USH2A: variants seen among roughly 807,000 people sequenced by gnomAD.
The protein encoded by USH2A is Usher syndrome 2A (autosomal recessive, mild).
A neutral mutation model predicts 538.9 loss-of-function variants in USH2A; 443 were observed. That is an observed-to-expected ratio of 0.82 (90% CI 0.76 to 0.89). The LOEUF (loss-of-function observed/expected upper bound fraction) is 0.89. Among genes scored for constraint, USH2A ranks in the 40% least tolerant of loss-of-function variants. USH2A has a pLI of 0.00. For synonymous variants in USH2A, 2,413 were observed against 2,273.5 expected, an observed-to-expected ratio of 1.06 and a Z score of -1.75; for missense variants, 6,633 against 6,324.8, an observed-to-expected ratio of 1.05 and a Z score of -1.65.
intron 11 of USH2A, among the ~76,000 whole-genome samples, chr1:216,287,461 T>C (rs1181842229): frequency 1.3e-5 from 2 of 152,174 alleles, no homozygotes; most frequent in African/African-American, 2.4e-5. Flanking sequence ...TAAGAGCAGA[T>C]TAAGTACATT....
intron 61 of USH2A, among the ~76,000 whole-genome samples, chr1:215,697,129 T>G (rs1658840587): frequency 6.6e-6 from 1 of 151,380 alleles, no homozygotes; most frequent in Non-Finnish European, 1.5e-5. Flanking sequence ...ATTTTTTTTT[T>G]TGTATTTTTT....
At chr1:215,997,397 G>C (rs143160929) in intron 34 of USH2A, among the ~76,000 whole-genome samples, 452 of 152,062 alleles carry the variant, frequency 3.0e-3, no homozygotes, top group Middle Eastern at 0.014. Flanking sequence ...GAATTTTATG[G>C]CTCAGAGACA....
At chr1:216,353,078 A>G (rs1321531271) in intron 4 of USH2A, among the ~76,000 whole-genome samples, 1 of 152,074 alleles carries the variant, frequency 6.6e-6, no homozygotes, top group African/African-American at 2.4e-5. Flanking sequence ...AGAAGTGAAG[A>G]AAAAACGGCA....
intron 37 of USH2A, among the ~76,000 whole-genome samples, chr1:215,940,817 T>C (rs1227714418): frequency 1.3e-5 from 2 of 152,128 alleles, no homozygotes; most frequent in East Asian, 3.9e-4. Context: ...TTTAAATTGG[T>C]CATTCCTCTA....
chr1:216,362,416 G>GA (rs1420029215), intron 4 of USH2A, among the ~76,000 whole-genome samples: 3 of 151,528 alleles, frequency 2.0e-5, no homozygotes, highest in Non-Finnish European at 4.4e-5. Flanking sequence ...TGTCAAGGGT[G>GA]AAAAAAAAGT....
intron 58 of USH2A, 51 bp from the exon 59 acceptor site, chr1:215,743,386 ATGTGTGTGTGTGTG>A (rs61304768): frequency 2.7e-5 from 9 of 328,544 alleles, no homozygotes; most frequent in Non-Finnish European, 4.6e-5. Flanking sequence ...ATATATATAT[ATGTGTGTGTGTGTG>A]TGTGTGTGTG....
intron 38 of USH2A, among the ~76,000 whole-genome samples, chr1:215,911,885 T>C (rs1665793742): frequency 6.6e-6 from 1 of 152,020 alleles, no homozygotes; most frequent in African/African-American, 2.4e-5. Context: ...TTATTGCCTG[T>C]TTTTTGGACA....
At position 215,912,941 on chromosome 1, in the gene USH2A, A is replaced by T. The variant is rs1379870890; in HGVS notation, c.7301-12036T>A. On this transcript the variant is annotated intron_variant, in intron 38 of 71. Coordinates refer to ENST00000307340, the MANE Select transcript of USH2A (RefSeq NM_206933.4). ...TTGCAGCCATACCATGAATTAGATGATGTGAGTATTGCATTCCTCCTACAG... is the reference window on the plus strand; with the variant it reads ...TTGCAGCCATACCATGAATTAGATGTTGTGAGTATTGCATTCCTCCTACAG... 2.6e-5 allele frequency among the ~76,000 whole-genome samples: 4 copies of T among 152,246 alleles called. No homozygotes were observed. The East Asian group carries it at 5.8e-4, about 22-fold the overall frequency.
intron 43 of USH2A, among the ~76,000 whole-genome samples, chr1:215,875,364 C>T (rs1465075391): frequency 2.6e-5 from 4 of 151,870 alleles, no homozygotes; most frequent in African/African-American, 7.3e-5. Flanking sequence ...CAAGTACTAC[C>T]GGAAAAAAAT....
rs759067576 is a variant in USH2A, at chr1:215,771,579, C to CAAAA, written c.10940-4795_10940-4792dup. 4.2e-3 allele frequency among the ~76,000 whole-genome samples: 186 copies of CAAAA among 43,996 alleles called. 41 individuals are homozygous for CAAAA. The highest frequency in any genetic ancestry group is 6.7e-3 in the East Asian group (6 of 894). The allele number at this position is 43,996 out of a possible 152,430, so 28.9% of individuals were successfully genotyped here. Reference sequence around the variant, plus strand: ...TGGGCGACAGAGCGAGACTCCGTCTCAAAAAAAAAAAAAAAAAAAAAAAAA... The same window carrying CAAAA: ...TGGGCGACAGAGCGAGACTCCGTCTCAAAAAAAAAAAAAAAAAAAAAAAAAAAAA... On this transcript the variant is annotated intron_variant, in intron 55 of 71. Coordinates refer to ENST00000307340, the MANE Select transcript of USH2A (RefSeq NM_206933.4).
rs533071863 is a variant in USH2A, at chr1:216,093,530, T to A, written c.4758+3553A>T. On this transcript the variant is annotated intron_variant, in intron 22 of 71. Coordinates refer to ENST00000307340, the MANE Select transcript of USH2A (RefSeq NM_206933.4). ...TATGAAAACAACTAGACCTGCCAGA[T>A]GAGTTTCCTGGCAGCCATTCTCCGT... Among the ~76,000 whole-genome samples the A allele has an allele frequency of 2.1e-3, 324 of 152,298 alleles. 4 individuals are homozygous for A. Among genetic ancestry groups the A allele is most frequent in the African/African-American group, 7.3e-3 (303 of 41,586 alleles).
At chr1:215,836,506 T>TATATATTA (rs1553267742) in intron 47 of USH2A, among the ~76,000 whole-genome samples, 3 of 18,318 alleles carry the variant, frequency 1.6e-4, no homozygotes, top group Non-Finnish European at 2.9e-4. Flanking sequence ...ATAATATATA[T>TATATATTA]TATATATATA....
chr1:216,070,014 C>T, intron 30 of USH2A, 87 bp downstream of exon 30: 2 of 1,471,576 alleles, frequency 1.4e-6, no homozygotes, highest in Non-Finnish European at 1.9e-6. Flanking sequence ...ATACATTTTT[C>T]TAAAAAACAT....
At chr1:216,195,315 T>C (rs1413282944) in intron 19 of USH2A, among the ~76,000 whole-genome samples, 4 of 152,130 alleles carry the variant, frequency 2.6e-5, no homozygotes, top group East Asian at 3.9e-4. Context: ...ATTCTTATAC[T>C]GGTGGCTCAA....
intron 61 of USH2A, among the ~76,000 whole-genome samples, chr1:215,682,017 G>T (rs1658247345): frequency 6.6e-6 from 1 of 151,982 alleles, no homozygotes; most frequent in African/African-American, 2.4e-5. Context: ...CATTGGATTG[G>T]CCTTTTAGAT....
intron 19 of USH2A, 135 bp from the exon 20 acceptor site, chr1:216,190,502 T>TG: frequency 1.6e-6 from 2 of 1,226,102 alleles, no homozygotes; most frequent in Non-Finnish European, 2.2e-6. Context: ...AAAAGGGTTT[T>TG]TTTTTTTTTT....
At chr1:215,891,192 C>A (rs1665201168) in intron 40 of USH2A, among the ~76,000 whole-genome samples, 1 of 152,196 alleles carries the variant, frequency 6.6e-6, no homozygotes, top group Admixed American at 6.5e-5. Flanking sequence ...TAAAGATGAT[C>A]TCTTATCTTG....
At position 216,281,901 on chromosome 1, in the gene USH2A, C is replaced by T. The variant is rs551233532; in HGVS notation, c.1971+7379G>A. 1.8e-3 allele frequency among the ~76,000 whole-genome samples: 206 copies of T among 112,302 alleles called. 1 individual carries two copies. The highest frequency in any genetic ancestry group is 0.019 in the Middle Eastern group (2 of 104). 73.7% of individuals were successfully genotyped at this position (112,302 alleles called of 152,430 possible). On this transcript the variant is annotated intron_variant, in intron 11 of 71. Transcript: ENST00000307340. Reference sequence around the variant, plus strand: ...TTTTTTTTTTTTGAGTTGCAGTCATCCCACTGGTTGGGAAGTGGGCTTGCA... The same window carrying T: ...TTTTTTTTTTTTGAGTTGCAGTCATTCCACTGGTTGGGAAGTGGGCTTGCA...
intron 32 of USH2A, among the ~76,000 whole-genome samples, chr1:216,026,298 T>C (rs1438972220): frequency 1.3e-5 from 2 of 152,194 alleles, no homozygotes; most frequent in Admixed American, 1.3e-4. Flanking sequence ...CTACCTTGAA[T>C]ATTTAAAATA....
Sources: gnomAD v4.1 joint callset for allele counts (sites outside exome capture counted in the v4.1 genomes callset) on GRCh38, gnomAD v4.1.1 for gene constraint, MANE v1.5 for transcripts, NCBI Gene and HGNC (gene_info 2026-07-23, HGNC 2026-07-21) for gene names.